Variants in P2RY8 observed in about 807,000 individuals in gnomAD.
The protein encoded by P2RY8 is S-geranylgeranyl-glutathione receptor P2RY8.
A neutral mutation model predicts 10.0 loss-of-function variants in P2RY8; 6 were observed. The observed-to-expected ratio is 0.60, with a 90% CI of 0.33 to 1.19. The LOEUF is 1.19. P2RY8 is among the 50% of genes most tolerant of loss of function. P2RY8 has a pLI of 0.04. For missense variants in P2RY8, 456 were observed against 542.0 expected, an observed-to-expected ratio of 0.84 and a Z score of 1.58; for synonymous variants, 276 against 252.5, an observed-to-expected ratio of 1.09 and a Z score of -0.88.
chrX:1,504,556 G>C (rs1184774705), intron 1 of P2RY8, among the ~76,000 whole-genome samples: 3 of 152,078 alleles, frequency 2.0e-5, no homozygotes, highest in African/African-American at 4.8e-5. Context: ...GTTCTCTGTG[G>C]TCAAAACTGA....
In P2RY8 at chrX:1,514,693, T is replaced by TTCCTCCCCTCCTTTC. The variant is rs2092327993; in HGVS notation, c.-25+22227_-25+22228insGAAAGGAGGGGAGGA. ...TCCCTTCCTTTCCCTTCCCTTCCCTTCCTTCCCTTCCTTCCCTTCCTTCCC... is the reference window on the plus strand; with the variant it reads ...TCCCTTCCTTTCCCTTCCCTTCCCTTTCCTCCCCTCCTTTCCCTTCCCTTCCTTCCCTTCCTTCCC... On this transcript the variant is annotated intron_variant, in intron 1 of 1. Transcript: ENST00000381297. Among the ~76,000 whole-genome samples the TTCCTCCCCTCCTTTC allele has an allele frequency of 3.4e-3, 2 of 586 alleles. 1 individual carries two copies. Among genetic ancestry groups the TTCCTCCCCTCCTTTC allele is most frequent in the Non-Finnish European group, 7.6e-3 (2 of 264 alleles). The allele number at this position is 586 out of a possible 152,430, so 0.4% of individuals were successfully genotyped here.
chrX:1,491,565 G>T (rs1830243119), intron 1 of P2RY8, among the ~76,000 whole-genome samples: 1 of 152,258 alleles, frequency 6.6e-6, no homozygotes, highest in African/African-American at 2.4e-5. Flanking sequence ...GAGCAAATGA[G>T]TAAATGAGTG....
At chrX:1,474,576 AT>A in intron 1 of P2RY8, among the ~76,000 whole-genome samples, 1 of 112,432 alleles carries the variant, frequency 8.9e-6, no homozygotes. Context: ...GGATGGATGG[AT>A]GGATGGATGG....
intron 1 of P2RY8, among the ~76,000 whole-genome samples, chrX:1,479,346 A>C (rs186062450): frequency 1.6e-4 from 25 of 152,242 alleles, no homozygotes; most frequent in African/African-American, 4.6e-4. Flanking sequence ...GGATGGATCA[A>C]CTCTGCTTCA....
chrX:1,505,025 C>G (rs1356554539), intron 1 of P2RY8, among the ~76,000 whole-genome samples: 1 of 150,292 alleles, frequency 6.7e-6, no homozygotes, highest in Non-Finnish European at 1.5e-5. Flanking sequence ...GTAGTCCCAG[C>G]TACTTGGGAG....
Position 1,463,337 on chromosome X carries a change from T to C in P2RY8, c.*2142A>G, listed in dbSNP as rs191330646. Reference sequence around the variant, plus strand: ...CCTCCTTCTGTGGAAGTTCTGGGTCTCTTACGCATCCTCCAGTTCCCCCTG... The same window carrying C: ...CCTCCTTCTGTGGAAGTTCTGGGTCCCTTACGCATCCTCCAGTTCCCCCTG... On this transcript the variant is annotated 3_prime_UTR_variant, in exon 2 of 2. Transcript: ENST00000381297. The C allele has an allele frequency of 3.1e-3, 712 of 232,944 alleles. 2 individuals are homozygous for C. Among genetic ancestry groups the C allele is most frequent in the Admixed American group, 5.4e-3 (96 of 17,788 alleles). 14.4% of individuals were successfully genotyped at this position (232,944 alleles called of 1,614,324 possible). A position where few individuals can be genotyped will look rare whatever the true frequency, so the allele number is the denominator to read the frequency against.
chrX:1,531,881 T>C (rs1456875200), intron 1 of P2RY8, among the ~76,000 whole-genome samples: 1 of 152,144 alleles, frequency 6.6e-6, no homozygotes, highest in Non-Finnish European at 1.5e-5. Context: ...CCTGCAAGAA[T>C]GGCCACAATC....
In P2RY8 at chrX:1,465,734, G is replaced by A; in HGVS notation, c.825C>T (p.Tyr275=). Residue 275 remains tyrosine, a synonymous_variant, in exon 2 of 2, where the codon TAC becomes TAT. Transcript: ENST00000381297. ...GGCAGCTGAGACACAGCGTGAGCTT[G>A]TACACGTGGTAGTAGCTCTTGCCGT... The part of the protein sequence containing the change: ...LFYGKSYYHV[Y]KLTLCLSCLN... 1 of 1,613,720 alleles carries A rather than the reference G, an allele frequency of 6.2e-7. No homozygotes were observed. Among genetic ancestry groups the A allele is most frequent in the Non-Finnish European group, 8.5e-7 (1 of 1,179,850 alleles).
intron 1 of P2RY8, among the ~76,000 whole-genome samples, chrX:1,530,431 GTATC>G (rs1172673834): frequency 7.3e-5 from 11 of 151,004 alleles, no homozygotes; most frequent in African/African-American, 1.5e-4. Flanking sequence ...ATGTATCTAT[GTATC>G]TATCTATCTA....
chrX:1,473,885 T>C (rs1349530283), intron 1 of P2RY8, among the ~76,000 whole-genome samples: 2 of 148,344 alleles, frequency 1.3e-5, no homozygotes, highest in African/African-American at 5.0e-5. Flanking sequence ...GGTGGATGCA[T>C]TGATGGTTGA....
In P2RY8 at chrX:1,462,610, T is replaced by C. The variant is rs766908376; in HGVS notation, c.*2869A>G. The C allele has an allele frequency of 1.1e-3, 249 of 231,534 alleles. 1 individual carries two copies. The highest frequency in any genetic ancestry group is 5.1e-3 in the African/African-American group (230 of 45,266). The allele number at this position is 231,534 out of a possible 1,614,324, so 14.3% of individuals were successfully genotyped here. ...CTTCAAAGCTCATGTTTTTTTTTAA[T>C]GTTTTATTTTTATTTTTTACAGAGA... is the stretch of plus-strand genomic sequence containing the variant. On this transcript the variant is annotated 3_prime_UTR_variant, in exon 2 of 2. Transcript: ENST00000381297.
At chrX:1,531,175 T>C (rs1275512160) in intron 1 of P2RY8, among the ~76,000 whole-genome samples, 1 of 152,108 alleles carries the variant, frequency 6.6e-6, no homozygotes, top group Non-Finnish European at 1.5e-5. Flanking sequence ...TTGAGTAATA[T>C]CTGGAGACAT....
Position 1,493,018 on chromosome X carries a change from A to G in P2RY8, c.-24-26436T>C, listed in dbSNP as rs111289303. Among the ~76,000 whole-genome samples the G allele has an allele frequency of 9.4e-3, 1,420 of 151,716 alleles. 19 individuals carry two copies. The highest frequency in any genetic ancestry group is 0.032 in the African/African-American group (1,318 of 41,334). ...GCACCTGTCTCACGAAGTTTCGAAA[A>G]TCCCAGAGATCAGGCCAGGCGCACT... On this transcript the variant is annotated intron_variant, in intron 1 of 1. Transcript: ENST00000381297.
At chrX:1,471,823 G>A (rs2091790989) in intron 1 of P2RY8, among the ~76,000 whole-genome samples, 1 of 152,120 alleles carries the variant, frequency 6.6e-6, no homozygotes, top group South Asian at 2.1e-4. Flanking sequence ...GCCAGCTATT[G>A]TCTTCTGGCT....
chrX:1,497,225 A>C (rs1263147134), intron 1 of P2RY8, among the ~76,000 whole-genome samples: 1 of 115,442 alleles, frequency 8.7e-6, no homozygotes, highest in Admixed American at 9.3e-5. Flanking sequence ...CCGTCTCAAA[A>C]AAAAAAAAAA....
Position 1,483,643 on chromosome X carries a change from G to C in P2RY8, c.-24-17061C>G, listed in dbSNP as rs368880430. Among the ~76,000 whole-genome samples, 59 of 151,442 alleles carry C rather than the reference G, an allele frequency of 3.9e-4. 1 individual carries two copies. In the Middle Eastern group the frequency reaches 0.01, roughly 26 times the overall value. On this transcript the variant is annotated intron_variant, in intron 1 of 1. Transcript: ENST00000381297. Reference sequence around the variant, plus strand: ...GAACAAAACTTTGTCTAAAGAGAGAGAAAAAAAAGAAACAACCCAAACAGG... The same window carrying C: ...GAACAAAACTTTGTCTAAAGAGAGACAAAAAAAAGAAACAACCCAAACAGG...
chrX:1,472,971 G>A (rs1477219999), intron 1 of P2RY8, among the ~76,000 whole-genome samples: 15 of 115,298 alleles, frequency 1.3e-4, no homozygotes, highest in Non-Finnish European at 5.4e-5. Flanking sequence ...CGGATGGGTG[G>A]GTGGATGGAT....
intron 1 of P2RY8, among the ~76,000 whole-genome samples, chrX:1,498,779 C>A (rs1189808861): frequency 1.3e-5 from 2 of 151,832 alleles, no homozygotes; most frequent in African/African-American, 4.8e-5. Context: ...ATCTTGTGAT[C>A]CGCCCTCCTC....
At chrX:1,496,639 T>C (rs187911901) in intron 1 of P2RY8, among the ~76,000 whole-genome samples, 1 of 151,912 alleles carries the variant, frequency 6.6e-6, no homozygotes. Flanking sequence ...AGCAGTCATT[T>C]GTAGGTAACT....
Sources: gnomAD v4.1 joint callset for allele counts (sites outside exome capture counted in the v4.1 genomes callset) on GRCh38, gnomAD v4.1.1 for gene constraint, MANE v1.5 for transcripts, NCBI Gene and HGNC (gene_info 2026-07-23, HGNC 2026-07-21) for gene names.